Variants in MRPL13 observed in about 807,000 individuals in gnomAD.
MRPL13 encodes the protein mitochondrial ribosomal protein L13.
MRPL13 carries 33 observed loss-of-function variants against 29.0 expected under a neutral mutation model. That is an observed-to-expected ratio of 1.14 (90% CI 0.86 to 1.52). MRPL13 has a LOEUF of 1.52. Among genes scored for constraint, MRPL13 ranks in the 40% most tolerant of loss-of-function variants. MRPL13 has a pLI of 0.00. For missense variants in MRPL13, 227 were observed against 216.7 expected, an observed-to-expected ratio of 1.05 and a Z score of -0.30; for synonymous variants, 77 against 68.4, an observed-to-expected ratio of 1.13 and a Z score of -0.62.
chr8:120,431,256 T>C (rs1049294613), intron 3 of MRPL13, among the ~76,000 whole-genome samples: 1 of 152,144 alleles, frequency 6.6e-6, no homozygotes, highest in African/African-American at 2.4e-5. Flanking sequence ...TTTCTAACCA[T>C]AACTTGAGTA....
intron 2 of MRPL13, among the ~76,000 whole-genome samples, chr8:120,434,193 G>A (rs982608883): frequency 1.3e-5 from 2 of 152,022 alleles, no homozygotes; most frequent in East Asian, 3.8e-4. Context: ...GTCCTACACC[G>A]CCTCAATGTT....
chr8:120,413,922 T>C, intron 6 of MRPL13, 69 bp downstream of exon 6: 1 of 1,412,730 alleles, frequency 7.1e-7, no homozygotes, highest in Non-Finnish European at 9.2e-7. Context: ...AAGGATCTTA[T>C]TTAATCATAT....
chr8:120,438,878 C>T (rs1246785906), intron 2 of MRPL13, among the ~76,000 whole-genome samples: 1 of 152,226 alleles, frequency 6.6e-6, no homozygotes, highest in Admixed American at 6.5e-5. Flanking sequence ...AATTAAACAA[C>T]TCTATAAATC....
intron 6 of MRPL13, among the ~76,000 whole-genome samples, chr8:120,410,847 T>G (rs1812732160): frequency 6.6e-6 from 1 of 151,950 alleles, no homozygotes; most frequent in South Asian, 2.1e-4. Flanking sequence ...AATGGTGCGA[T>G]CTCGGCAACC....
chr8:120,434,948 A>C lies in MRPL13; in HGVS notation c.152-2825T>G, dbSNP rs150444519. 5.9e-5 allele frequency among the ~76,000 whole-genome samples: 9 copies of C among 152,252 alleles called. No individual in the cohort carries two copies. The East Asian group carries it at 1.7e-3, about 29-fold the overall frequency. On this transcript the variant is annotated intron_variant, in intron 2 of 6. Transcript: ENST00000306185. ...ACTCTTAATTATAGATCCCTCACAT[A>C]GAGTTATCAGACACAATAAGTGTTT...
chr8:120,426,547 T>G (rs1358178418), intron 3 of MRPL13, among the ~76,000 whole-genome samples: 1 of 152,162 alleles, frequency 6.6e-6, no homozygotes, highest in African/African-American at 2.4e-5. Flanking sequence ...CTTTCTAGTT[T>G]GAAAATTGAG....
At chr8:120,432,280 G>A (rs1440718555) in intron 2 of MRPL13, among the ~76,000 whole-genome samples, 157 bp from the exon 3 acceptor site, 2 of 152,052 alleles carry the variant, frequency 1.3e-5, no homozygotes, top group African/African-American at 4.8e-5. Flanking sequence ...ATAGATTTCT[G>A]TTACTTTTTA....
At chr8:120,421,813 C>T (rs537899469) in intron 4 of MRPL13, among the ~76,000 whole-genome samples, 21 of 151,710 alleles carry the variant, frequency 1.4e-4, no homozygotes, top group African/African-American at 5.1e-4. Context: ...ACTATACTGC[C>T]TCCTAGTGTA....
intron 4 of MRPL13, among the ~76,000 whole-genome samples, chr8:120,424,553 C>A (rs185329805): frequency 6.6e-6 from 1 of 152,024 alleles, no homozygotes; most frequent in African/African-American, 2.4e-5. Flanking sequence ...TGGCTTGAGC[C>A]CATGAGTTTG....
At chr8:120,421,022 A>G (rs556133921) in intron 4 of MRPL13, among the ~76,000 whole-genome samples, 2 of 152,056 alleles carry the variant, frequency 1.3e-5, no homozygotes, top group South Asian at 2.1e-4. Flanking sequence ...CAACATGTAC[A>G]TGCAAAAAAG....
chr8:120,405,459 T>G (rs577865004), intron 6 of MRPL13, among the ~76,000 whole-genome samples: 1 of 152,320 alleles, frequency 6.6e-6, no homozygotes, highest in East Asian at 1.9e-4. Flanking sequence ...GGCTCACGAT[T>G]TGGCAATCCT....
At chr8:120,443,154 TG>T in intron 2 of MRPL13, 30 bp downstream of exon 2, 1 of 1,469,636 alleles carries the variant, frequency 6.8e-7, no homozygotes, top group Non-Finnish European at 9.0e-7. Context: ...AAAACTACAG[TG>T]GTTAATGACA....
intron 2 of MRPL13, among the ~76,000 whole-genome samples, chr8:120,441,763 G>T (rs1802727732): frequency 6.6e-6 from 1 of 151,116 alleles, no homozygotes; most frequent in Non-Finnish European, 1.5e-5. Context: ...TCTAAATAAA[G>T]TACTGTTTCT....
chr8:120,418,355 G>A (rs1812829397), intron 5 of MRPL13, among the ~76,000 whole-genome samples: 1 of 151,992 alleles, frequency 6.6e-6, no homozygotes, highest in Non-Finnish European at 1.5e-5. Flanking sequence ...TGTGTATCTT[G>A]AAGGTGTATT....
intron 3 of MRPL13, among the ~76,000 whole-genome samples, chr8:120,425,705 T>A (rs537303797): frequency 6.6e-6 from 1 of 152,274 alleles, no homozygotes; most frequent in South Asian, 2.1e-4. Context: ...CTATTTCATG[T>A]TCCTTACCAA....
chr8:120,410,156 A>G (rs915045856), intron 6 of MRPL13, among the ~76,000 whole-genome samples: 2 of 152,182 alleles, frequency 1.3e-5, no homozygotes, highest in Non-Finnish European at 2.9e-5. Flanking sequence ...GTACATTCTA[A>G]TATTATGAAC....
chr8:120,440,107 T>C (rs1813100956), intron 2 of MRPL13, among the ~76,000 whole-genome samples: 1 of 152,202 alleles, frequency 6.6e-6, no homozygotes, highest in African/African-American at 2.4e-5. Context: ...AGGTAGATAA[T>C]AAACAGATAC....
intron 5 of MRPL13, 29 bp downstream of exon 5, chr8:120,419,823 A>T (rs1812847710): frequency 6.6e-7 from 1 of 1,522,866 alleles, no homozygotes. Flanking sequence ...ATTTTGGAAA[A>T]GCATTGTTAC....
intron 3 of MRPL13, 136 bp from the exon 4 acceptor site, chr8:120,425,502 G>C: frequency 1.8e-6 from 1 of 565,196 alleles, no homozygotes; most frequent in Non-Finnish European, 3.0e-6. Context: ...TCAAAATTAA[G>C]TAGTAATCTA....
Sources: gnomAD v4.1 joint callset for allele counts (sites outside exome capture counted in the v4.1 genomes callset) on GRCh38, gnomAD v4.1.1 for gene constraint, MANE v1.5 for transcripts, NCBI Gene and HGNC (gene_info 2026-07-23, HGNC 2026-07-21) for gene names.